The following ARHGEF7 variants were observed in gnomAD, a reference collection of about 807,000 sequenced individuals.
ARHGEF7 encodes PAK-interacting exchange factor beta.
A neutral mutation model predicts 109.8 loss-of-function variants in ARHGEF7; 33 were observed. The ratio of observed to expected loss-of-function variants is 0.30; its 90% CI spans 0.23 to 0.40. The LOEUF (loss-of-function observed/expected upper bound fraction) is 0.40. Ranked by LOEUF, ARHGEF7 falls within the 10% of genes least tolerant of loss-of-function variation. The pLI, the probability that ARHGEF7 is intolerant of heterozygous loss-of-function variation, is 1.00. For missense variants in ARHGEF7, 938 were observed against 1,098.5 expected (o/e 0.85, Z 2.07); for synonymous variants, 458 against 424.6 (o/e 1.08, Z -0.97).
At chr13:111,219,888 G>C (rs1448983046) in intron 5 of ARHGEF7, among the ~76,000 whole-genome samples, 1 of 152,090 alleles carries the variant, frequency 6.6e-6, no homozygotes, top group Non-Finnish European at 1.5e-5. Flanking sequence ...GAAGGGGGTG[G>C]GTTGCAAGTA....
chr13:111,198,580 C>T (rs187480627), intron 2 of ARHGEF7, among the ~76,000 whole-genome samples: 21 of 152,130 alleles, frequency 1.4e-4, no homozygotes, highest in Admixed American at 3.3e-4. Context: ...GTGGTGTGTC[C>T]GGAGTTTTTT....
At chr13:111,227,619 C>T (rs1332001513) in intron 5 of ARHGEF7, among the ~76,000 whole-genome samples, 5 of 152,322 alleles carry the variant, frequency 3.3e-5, no homozygotes, top group African/African-American at 1.2e-4. Flanking sequence ...TTGTGTGACT[C>T]ACTGTATTGC....
At chr13:111,115,111 C>T (rs2066647443), upstream of ARHGEF7, 2 of 150,010 alleles carry the variant, frequency 1.3e-5, no homozygotes. Flanking sequence ...CATCCGCTCC[C>T]CGCTCCCCTT....
chr13:111,132,309 A>C (rs958210363), intron 1 of ARHGEF7, among the ~76,000 whole-genome samples: 1 of 152,158 alleles, frequency 6.6e-6, no homozygotes, highest in African/African-American at 2.4e-5. Context: ...AAAATGTCTA[A>C]GACTTTCATC....
chr13:111,168,515 T>G (rs2153409201), intron 2 of ARHGEF7, among the ~76,000 whole-genome samples: 1 of 152,188 alleles, frequency 6.6e-6, no homozygotes, highest in East Asian at 1.9e-4. Context: ...AACAGGGAAA[T>G]ACCAGGGTTT....
At position 111,217,806 on chromosome 13, in the gene ARHGEF7, G is replaced by A. The variant is rs1281082222; in HGVS notation, c.596G>A (p.Gly199Asp). 6.2e-7 allele frequency: 1 copy of A among 1,614,222 alleles called. No homozygotes were observed. Residue 199 changes from glycine to aspartate, a missense_variant, in exon 5 of 22, where the codon GGC becomes GAC. Gly to Asp is a moderately conservative substitution (Grantham distance 94). Transcript: ENST00000646102. ...VIHVTRVEEG[G>D]WWEGTLNGRT... is the part of the protein sequence containing the mutation. ...CATGTCACCCGTGTGGAAGAGGGAG[G>A]CTGGTGGGAGGGCACACTCAACGGC... is the stretch of plus-strand genomic sequence containing the variant.
chr13:111,269,578 C>T (rs2091965438), intron 9 of ARHGEF7, among the ~76,000 whole-genome samples: 1 of 152,168 alleles, frequency 6.6e-6, no homozygotes, highest in Admixed American at 6.5e-5. Flanking sequence ...CTTTGTGCCT[C>T]CTTCCCAGGG....
At chr13:111,153,722 G>T in intron 1 of ARHGEF7, 183 bp from the exon 2 acceptor site, 1 of 1,332,134 alleles carries the variant, frequency 7.5e-7, no homozygotes, top group Non-Finnish European at 9.5e-7. Context: ...AGAAAAAAGG[G>T]TGAGGAGAAG....
chr13:111,175,105 C>G (rs2078009003), intron 2 of ARHGEF7, among the ~76,000 whole-genome samples: 1 of 152,168 alleles, frequency 6.6e-6, no homozygotes, highest in African/African-American at 2.4e-5. Context: ...GGACGAGCTT[C>G]TCTAAATTGA....
intron 18 of ARHGEF7, 64 bp from the exon 19 acceptor site, chr13:111,292,054 C>T (rs1595584737): frequency 2.1e-6 from 3 of 1,414,596 alleles, no homozygotes; most frequent in South Asian, 2.4e-5. Flanking sequence ...GGTTGTGGCT[C>T]TTCCTGTCGT....
At chr13:111,271,382 C>T (rs573502393) in intron 9 of ARHGEF7, among the ~76,000 whole-genome samples, 124 of 152,240 alleles carry the variant, frequency 8.1e-4, no homozygotes, top group Non-Finnish European at 1.5e-3. Flanking sequence ...AGGCAGAGGA[C>T]GTGTGCGTGT....
At chr13:111,262,921 C>G (rs1744206942) in intron 8 of ARHGEF7, among the ~76,000 whole-genome samples, 2 of 152,218 alleles carry the variant, frequency 1.3e-5, no homozygotes, top group Non-Finnish European at 2.9e-5. Context: ...CGTGCTGCCT[C>G]TCATGACTCA....
chr13:111,141,918 T>G (rs1259298129), intron 1 of ARHGEF7, among the ~76,000 whole-genome samples: 1 of 152,224 alleles, frequency 6.6e-6, no homozygotes, highest in African/African-American at 2.4e-5. Flanking sequence ...TGCCTTCTAG[T>G]GGCTGCACCA....
chr13:111,257,092 TG>T (rs1487282672), intron 8 of ARHGEF7, among the ~76,000 whole-genome samples: 1 of 152,232 alleles, frequency 6.6e-6, no homozygotes, highest in East Asian at 1.9e-4. Flanking sequence ...CCTCAGGCCT[TG>T]GCTTATGAGC....
intron 4 of ARHGEF7, among the ~76,000 whole-genome samples, chr13:111,212,545 C>T (rs1490475246): frequency 1.3e-5 from 2 of 152,112 alleles, no homozygotes. Flanking sequence ...TTGGGGATGG[C>T]GTTTGTGAGG....
chr13:111,128,508 C>G (rs1469064822), intron 1 of ARHGEF7, among the ~76,000 whole-genome samples: 1 of 148,810 alleles, frequency 6.7e-6, no homozygotes, highest in Non-Finnish European at 1.5e-5. Flanking sequence ...AGCAAACAAA[C>G]AAACAAACAA....
At chr13:111,115,720 G>GC (rs2066685304) in intron 1 of ARHGEF7, 29 bp downstream of exon 1, 6 of 1,125,764 alleles carry the variant, frequency 5.3e-6, no homozygotes, top group East Asian at 4.5e-5. Flanking sequence ...CCCCGCCCGC[G>GC]CCCCCCGGTC....
chr13:111,191,895 G>A (rs2079932036), intron 2 of ARHGEF7, among the ~76,000 whole-genome samples: 1 of 152,158 alleles, frequency 6.6e-6, no homozygotes, highest in East Asian at 1.9e-4. Flanking sequence ...GTCCTAGCAG[G>A]AGCTGTAGTA....
chr13:111,179,071 A>G (rs2078462705), intron 2 of ARHGEF7, among the ~76,000 whole-genome samples: 1 of 71,594 alleles, frequency 1.4e-5, no homozygotes, highest in Non-Finnish European at 2.6e-5. Flanking sequence ...TCTGAGTTCA[A>G]ATGCCTGTTC....
Sources: gnomAD v4.1 joint callset for allele counts (sites outside exome capture counted in the v4.1 genomes callset) on GRCh38, gnomAD v4.1.1 for gene constraint, MANE v1.5 for transcripts, NCBI Gene and HGNC (gene_info 2026-07-23, HGNC 2026-07-21) for gene names.